The following PRUNE2 variants were observed in gnomAD, a reference collection of about 807,000 sequenced individuals.
PRUNE2 encodes the protein protein prune homolog 2.
PRUNE2 carries 164 observed loss-of-function variants against 252.0 expected under a neutral mutation model. The observed-to-expected ratio is 0.65, with a 90% CI of 0.57 to 0.74. The LOEUF (loss-of-function observed/expected upper bound fraction) is 0.74. Ranked by LOEUF, PRUNE2 falls within the 30% of genes least tolerant of loss-of-function variation. The pLI is 0.00. For synonymous variants in PRUNE2, 1,292 were observed against 1,350.2 expected, an observed-to-expected ratio of 0.96 and a Z score of 0.94; for missense variants, 3,495 against 3,711.0, an observed-to-expected ratio of 0.94 and a Z score of 1.51.
At chr9:76,658,927 C>T (rs1054725770) in intron 9 of PRUNE2, among the ~76,000 whole-genome samples, 2 of 152,228 alleles carry the variant, frequency 1.3e-5, no homozygotes, top group Non-Finnish European at 2.9e-5. Context: ...TTGCACTTTC[C>T]TGTCCCCTTT....
At chr9:76,823,838 A>T in intron 5 of PRUNE2, 112 bp from the exon 6 acceptor site, 1 of 663,470 alleles carries the variant, frequency 1.5e-6, no homozygotes, top group Non-Finnish European at 2.7e-6. Context: ...TTTGCCCCTC[A>T]AATGTCACTT....
chr9:76,706,790 C>G lies in PRUNE2; in HGVS notation c.5484G>C (p.Glu1828Asp), dbSNP rs1398417883. ...CTTCCTGGGGTGAGGCCTTCCACCA[C>G]TCAGTGCTATCAGCTGAGAAGCCCA... Reference protein sequence around the residue: ...EMLGFSADSTEWWKASPQEGR... With the variant: ...EMLGFSADSTDWWKASPQEGR... The change falls in exon 8 of 19, where the codon GAG (glutamate) becomes GAC (aspartate). Residue 1828 changes from glutamate (E) to aspartate (D), a missense_variant. Glu to Asp is a conservative substitution (Grantham distance 45, BLOSUM62 2). Coordinates refer to ENST00000376718, the MANE Select transcript of PRUNE2 (RefSeq NM_015225.3). The G allele has an allele frequency of 1.4e-5, 23 of 1,609,996 alleles. No individual in the cohort carries two copies. Among genetic ancestry groups the G allele is most frequent in the Non-Finnish European group, 2.0e-5 (23 of 1,178,048 alleles).
intron 9 of PRUNE2, among the ~76,000 whole-genome samples, chr9:76,659,357 G>A (rs1333597438): frequency 8.5e-5 from 13 of 152,072 alleles, no homozygotes; most frequent in Non-Finnish European, 1.3e-4. Flanking sequence ...ATATCTTTAC[G>A]TCTGGATTGC....
Position 76,638,304 on chromosome 9 carries a change from A to G in PRUNE2, c.8729-16T>C. On this transcript the variant is annotated splice_polypyrimidine_tract_variant and intron_variant, in intron 12 of 18. Transcript: ENST00000376718. Reference sequence around the variant, plus strand: ...CCATAGTATCCTGGGGGACAAACAAAAAGACACTTGTAACCAATTGAAAGC... The same window carrying G: ...CCATAGTATCCTGGGGGACAAACAAGAAGACACTTGTAACCAATTGAAAGC... 6.4e-7 allele frequency: 1 copy of G among 1,561,866 alleles called. No homozygotes were observed. The highest frequency in any genetic ancestry group is 8.8e-7 in the Non-Finnish European group (1 of 1,133,236).
intron 4 of PRUNE2, among the ~76,000 whole-genome samples, chr9:76,837,871 A>G (rs895133963): frequency 6.7e-6 from 1 of 149,870 alleles, no homozygotes; most frequent in African/African-American, 2.5e-5. Flanking sequence ...TCCTGGGTTC[A>G]CGCCATTCTC....
Position 76,655,457 on chromosome 9 carries a change from G to T in PRUNE2, c.8322C>A (p.Gly2774=), listed in dbSNP as rs777562104. Residue 2774 remains glycine, a synonymous_variant, in exon 10 of 19, where the codon GGC becomes GGA. Transcript: ENST00000376718. ...DVGMDIPFEE[G]VLSPSAADMR... is the part of the protein sequence containing the mutation. ...TGTCTGCAGCACTGGGACTCAGCAC[G>T]CCCTCTTCAAAGGGGATGTCCATTC... is the stretch of plus-strand genomic sequence containing the variant. 2 of 1,612,488 alleles carry T rather than the reference G, an allele frequency of 1.2e-6. No homozygotes were observed. Among genetic ancestry groups the T allele is most frequent in the African/African-American group, 2.7e-5 (2 of 74,860 alleles).
intron 6 of PRUNE2, among the ~76,000 whole-genome samples, chr9:76,795,108 T>A (rs1224552964): frequency 6.6e-6 from 1 of 152,036 alleles, no homozygotes; most frequent in Non-Finnish European, 1.5e-5. Flanking sequence ...CTGGCCAGGG[T>A]GACTGGGTTC....
intron 12 of PRUNE2, among the ~76,000 whole-genome samples, chr9:76,638,595 C>T (rs192771498): frequency 8.6e-5 from 13 of 151,418 alleles, no homozygotes; most frequent in South Asian, 2.1e-4. Context: ...TGTAAATATT[C>T]GACATCACAA....
intron 9 of PRUNE2, among the ~76,000 whole-genome samples, chr9:76,670,986 A>C (rs568463723): frequency 8.7e-4 from 133 of 152,328 alleles, no homozygotes; most frequent in Non-Finnish European, 1.6e-3. Context: ...AACTCTAAAA[A>C]GCAGAGCGCC....
chr9:76,854,265 A>G (rs2060121196), intron 1 of PRUNE2, 57 bp from the exon 2 acceptor site: 4 of 845,466 alleles, frequency 4.7e-6, no homozygotes, highest in Admixed American at 4.9e-5. Context: ...TAATATAAAC[A>G]TATTTTTAAT....
chr9:76,726,058 C>G (rs928487345), intron 6 of PRUNE2, among the ~76,000 whole-genome samples: 1 of 152,202 alleles, frequency 6.6e-6, no homozygotes, highest in Non-Finnish European at 1.5e-5. Context: ...TGGCTGCATT[C>G]TGCTGTCCTG....
chr9:76,636,630 T>C, intron 14 of PRUNE2, 73 bp from the exon 15 acceptor site: 1 of 801,238 alleles, frequency 1.2e-6, no homozygotes, highest in South Asian at 1.5e-5. Flanking sequence ...TAAAACATAT[T>C]CCTAAATAAG....
At chr9:76,837,351 A>G (rs2059056338) in intron 4 of PRUNE2, among the ~76,000 whole-genome samples, 1 of 151,992 alleles carries the variant, frequency 6.6e-6, no homozygotes, top group Admixed American at 6.5e-5. Context: ...CTGAGGCAGG[A>G]GAATTGCTTG....
At chr9:76,794,801 C>G (rs1264567465) in intron 6 of PRUNE2, among the ~76,000 whole-genome samples, 1 of 152,016 alleles carries the variant, frequency 6.6e-6, no homozygotes, top group African/African-American at 2.4e-5. Context: ...ATGCAAATAC[C>G]AAGTAACTAC....
chr9:76,811,799 C>T (rs954364812), intron 6 of PRUNE2, among the ~76,000 whole-genome samples: 1 of 152,104 alleles, frequency 6.6e-6, no homozygotes, highest in Non-Finnish European at 1.5e-5. Flanking sequence ...GCCAGAAATA[C>T]CCAATTTAAA....
At chr9:76,764,036 T>G (rs949563943) in intron 6 of PRUNE2, among the ~76,000 whole-genome samples, 1 of 152,192 alleles carries the variant, frequency 6.6e-6, no homozygotes, top group Non-Finnish European at 1.5e-5. Flanking sequence ...GTTAAAAGAT[T>G]ATTTGTTGGG....
chr9:76,803,240 G>A (rs2131595440), intron 6 of PRUNE2, among the ~76,000 whole-genome samples: 1 of 152,292 alleles, frequency 6.6e-6, no homozygotes, highest in South Asian at 2.1e-4. Flanking sequence ...CATTGCCTTG[G>A]TGCTTCAACT....
intron 6 of PRUNE2, among the ~76,000 whole-genome samples, chr9:76,717,647 C>T (rs971045041): frequency 1.3e-5 from 2 of 151,984 alleles, no homozygotes; most frequent in African/African-American, 2.4e-5. Flanking sequence ...AGGATTTAGA[C>T]AATAAAAGCA....
At chr9:76,724,303 CAAA>C (rs796291956) in intron 6 of PRUNE2, among the ~76,000 whole-genome samples, 2 of 69,410 alleles carry the variant, frequency 2.9e-5, no homozygotes, top group Non-Finnish European at 2.7e-5. Context: ...GATAGAAATA[CAAA>C]AAAAAAAAAA....
Sources: gnomAD v4.1 joint callset for allele counts (sites outside exome capture counted in the v4.1 genomes callset) on GRCh38, gnomAD v4.1.1 for gene constraint, MANE v1.5 for transcripts, NCBI Gene and HGNC (gene_info 2026-07-23, HGNC 2026-07-21) for gene names.